The following ARHGAP15 variants were observed in gnomAD, a reference collection of about 807,000 sequenced individuals.
ARHGAP15 encodes rho GTPase-activating protein 15.
In ARHGAP15, 51 loss-of-function variants were observed where a neutral mutation model predicts 63.7. The ratio of observed to expected loss-of-function variants is 0.80; its 90% confidence interval spans 0.64 to 1.01. The LOEUF (loss-of-function observed/expected upper bound fraction) is 1.01. Among genes scored for constraint, ARHGAP15 ranks in the 50% least tolerant of loss-of-function variants. The pLI is 0.00. For missense variants in ARHGAP15, 560 were observed against 564.6 expected (o/e 0.99, Z 0.08); for synonymous variants, 191 against 193.8 (o/e 0.99, Z 0.12).
chr2:143,340,093 G>C (rs1029630566), intron 6 of ARHGAP15, among the ~76,000 whole-genome samples: 1 of 152,036 alleles, frequency 6.6e-6, no homozygotes, highest in African/African-American at 2.4e-5. Flanking sequence ...GAAGCAATAC[G>C]TATATGAAAA....
chr2:143,606,072 C>CAAAAAA (rs1698015321), intron 11 of ARHGAP15, among the ~76,000 whole-genome samples: 1 of 8,796 alleles, frequency 1.1e-4, no homozygotes, highest in African/African-American at 3.2e-4. Context: ...AAAAAAAAAG[C>CAAAAAA]CATACATCTG....
At chr2:143,160,645 A>G (rs1477460871) in intron 2 of ARHGAP15, among the ~76,000 whole-genome samples, 1 of 152,004 alleles carries the variant, frequency 6.6e-6, no homozygotes, top group East Asian at 1.9e-4. Flanking sequence ...AAGGTTTCCT[A>G]AGGTATTTTG....
chr2:143,197,912 T>C (rs142930633), intron 2 of ARHGAP15, among the ~76,000 whole-genome samples: 70 of 152,070 alleles, frequency 4.6e-4, no homozygotes, highest in African/African-American at 1.6e-3. Context: ...GAAATATCTT[T>C]TTATGCACGT....
intron 5 of ARHGAP15, among the ~76,000 whole-genome samples, chr2:143,241,918 G>A (rs191474173): frequency 4.6e-5 from 7 of 152,310 alleles, no homozygotes; most frequent in East Asian, 3.9e-4. Context: ...GCTTCAAAGA[G>A]ACGGAGAGAA....
intron 10 of ARHGAP15, among the ~76,000 whole-genome samples, chr2:143,547,567 A>G (rs1003530889): frequency 6.4e-5 from 3 of 47,240 alleles, no homozygotes; most frequent in African/African-American, 2.4e-4. Flanking sequence ...ATCTCCAATT[A>G]TAAAAAAAAA....
At chr2:143,152,524 G>A (rs539754895) in intron 1 of ARHGAP15, among the ~76,000 whole-genome samples, 1 of 151,902 alleles carries the variant, frequency 6.6e-6, no homozygotes, top group Admixed American at 6.6e-5. Context: ...CAAACTCTGG[G>A]GCACTTGATA....
chr2:143,280,386 T>G (rs1171016097), intron 6 of ARHGAP15, among the ~76,000 whole-genome samples: 1 of 151,954 alleles, frequency 6.6e-6, no homozygotes, highest in East Asian at 1.9e-4. Context: ...AAGAAGAAAA[T>G]CAAGGGTCAG....
Position 143,768,265 on chromosome 2 carries a change from T to C in ARHGAP15, c.*93T>C. 3.9e-6 allele frequency: 5 copies of C among 1,294,662 alleles called. No individual in the cohort carries two copies. The South Asian group carries it at 6.2e-5, about 16-fold the overall frequency. The allele number at this position is 1,294,662 out of a possible 1,614,324, so 80.2% of individuals were successfully genotyped here. A position where few individuals can be genotyped will look rare whatever the true frequency, so the allele number is the denominator to read the frequency against. On this transcript the variant is annotated 3_prime_UTR_variant, in exon 14 of 14. Coordinates refer to ENST00000295095, the MANE Select transcript of ARHGAP15 (RefSeq NM_018460.4). ...ACATATTTCTGAAATATTTTTTGCC[T>C]TTCAAGCGACAGATGCCTCATTTTG...
intron 12 of ARHGAP15, among the ~76,000 whole-genome samples, chr2:143,652,953 G>T (rs1440555977): frequency 1.3e-5 from 2 of 151,988 alleles, no homozygotes; most frequent in Admixed American, 6.6e-5. Context: ...AAGTAGAAAT[G>T]ATGAGAGTGG....
chr2:143,168,116 G>A (rs908751271), intron 2 of ARHGAP15, among the ~76,000 whole-genome samples: 1 of 152,034 alleles, frequency 6.6e-6, no homozygotes, highest in African/African-American at 2.4e-5. Context: ...TAGCTAAACA[G>A]GAATTTTGTT....
At chr2:143,763,708 A>G (rs977903009) in intron 13 of ARHGAP15, among the ~76,000 whole-genome samples, 9 of 139,926 alleles carry the variant, frequency 6.4e-5, no homozygotes, top group Non-Finnish European at 1.1e-4. Context: ...GTGTATGTAT[A>G]TGTGTATGTA....
At chr2:143,301,998 G>T (rs900278182) in intron 6 of ARHGAP15, among the ~76,000 whole-genome samples, 6 of 151,860 alleles carry the variant, frequency 4.0e-5, no homozygotes, top group Admixed American at 1.3e-4. Context: ...TATAAAAAAA[G>T]TTAAGAACTT....
At chr2:143,247,277 G>A (rs1694075876) in intron 5 of ARHGAP15, 1 of 152,336 alleles carries the variant, frequency 6.6e-6, no homozygotes. Context: ...CTGCATGCTG[G>A]TAGCAAGAGG....
intron 6 of ARHGAP15, among the ~76,000 whole-genome samples, chr2:143,385,808 C>G (rs748693526): frequency 2.0e-5 from 3 of 152,102 alleles, no homozygotes; most frequent in Non-Finnish European, 2.9e-5. Flanking sequence ...ATGTAGATGT[C>G]TTAGATAAAC....
chr2:143,624,170 C>T lies in ARHGAP15; in HGVS notation c.1041C>T (p.Asp347=), dbSNP rs1488116633. The change falls in exon 12 of 14, where the codon GAC becomes GAT. Residue 347 remains aspartate (D), a synonymous_variant. Transcript: ENST00000295095. The part of the protein sequence containing the change: ...KLNLDDSQWE[D]IHVVTGALKM... ...ATTTGGACGACAGCCAGTGGGAGGA[C>T]ATCCACGTTGTCACCGGAGCACTGA... 6.2e-7 allele frequency: 1 copy of T among 1,613,582 alleles called. No homozygotes were observed.
At chr2:143,620,643 C>A (rs1698613493) in intron 11 of ARHGAP15, among the ~76,000 whole-genome samples, 1 of 152,104 alleles carries the variant, frequency 6.6e-6, no homozygotes, top group Non-Finnish European at 1.5e-5. Flanking sequence ...GCTCTTTATC[C>A]TGGTTTCATC....
chr2:143,261,049 A>C (rs1044307255), intron 6 of ARHGAP15, among the ~76,000 whole-genome samples: 1 of 152,208 alleles, frequency 6.6e-6, no homozygotes, highest in Non-Finnish European at 1.5e-5. Context: ...TAATAGAGAT[A>C]GTAAACCTTG....
At chr2:143,434,082 A>AT (rs1274298609) in intron 6 of ARHGAP15, among the ~76,000 whole-genome samples, 1 of 152,140 alleles carries the variant, frequency 6.6e-6, no homozygotes, top group African/African-American at 2.4e-5. Flanking sequence ...TACTGGATAC[A>AT]TAAAATAGGA....
chr2:143,679,199 C>A (rs1384335190), intron 12 of ARHGAP15, among the ~76,000 whole-genome samples: 2 of 152,070 alleles, frequency 1.3e-5, no homozygotes, highest in African/African-American at 4.8e-5. Context: ...GGATTCGGCT[C>A]TTAAGTGGGT....
Sources: allele counts gnomAD v4.1 joint callset (sites outside exome capture counted in the v4.1 genomes callset), GRCh38; gene constraint gnomAD v4.1.1; transcripts MANE v1.5; gene names NCBI Gene and HGNC (gene_info 2026-07-23, HGNC 2026-07-21).